The following NECTIN3 variants were observed in gnomAD, a reference collection of about 807,000 sequenced individuals.
NECTIN3 encodes nectin cell adhesion molecule 3, also known as nectin-3.
In NECTIN3, 8 loss-of-function variants were observed where a neutral mutation model predicts 49.4. The ratio of observed to expected loss-of-function variants is 0.16; its 90% CI spans 0.10 to 0.29. The LOEUF (loss-of-function observed/expected upper bound fraction) is 0.29. NECTIN3 is among the 10% of genes least tolerant of loss of function. The pLI, the probability that NECTIN3 is intolerant of heterozygous loss-of-function variation, is 1.00. For synonymous variants in NECTIN3, 277 were observed against 241.1 expected (o/e 1.15, Z -1.38); for missense variants, 581 against 654.6 (o/e 0.89, Z 1.23).
At chr3:111,189,993 C>T (rs2035786065), upstream of NECTIN3, among the ~76,000 whole-genome samples, 1 of 152,156 alleles carries the variant, frequency 6.6e-6, no homozygotes, top group African/African-American at 2.4e-5. Flanking sequence ...GTAGCAGTGG[C>T]CAAAAACCAC....
chr3:111,118,259 T>TATATATATA (rs1559789277), intron 2 of NECTIN3, among the ~76,000 whole-genome samples: 2 of 120,404 alleles, frequency 1.7e-5, no homozygotes, highest in Non-Finnish European at 3.6e-5. Context: ...TATATATATA[T>TATATATATA]ATATATATAT....
Position 111,112,263 on chromosome 3 carries a change from A to G in NECTIN3, c.394A>G (p.Thr132Ala). The change falls in exon 2 of 6, where the codon ACA becomes GCA. Residue 132 changes from threonine to alanine, a missense_variant. By Grantham distance (58) the Thr-to-Ala change is moderately conservative (BLOSUM62 0). This residue lies in a region of NECTIN3 where 234 missense variants were observed against 340.6 expected (regional missense o/e 0.69). Coordinates refer to ENST00000485303, the MANE Select transcript of NECTIN3 (RefSeq NM_015480.3). The stretch of plus-strand genomic sequence containing the variant: ...TAAAAATTACTCACTTAATGATGCA[A>G]CAATTACTCTGCATAACATAGGATT... ...LFKNYSLNDA[T>A]ITLHNIGFSD... is the part of the protein sequence containing the mutation. 1 of 1,613,614 alleles carries G rather than the reference A, an allele frequency of 6.2e-7. No individual in the cohort carries two copies. The highest frequency in any genetic ancestry group is 8.5e-7 in the Non-Finnish European group (1 of 1,179,644).
chr3:111,108,114 C>T (rs2033265593), intron 1 of NECTIN3, among the ~76,000 whole-genome samples: 2 of 151,856 alleles, frequency 1.3e-5, no homozygotes, highest in South Asian at 4.2e-4. Context: ...GTAAAAATCA[C>T]TTATTAGTTC....
downstream of NECTIN3, among the ~76,000 whole-genome samples, chr3:111,142,013 C>A (rs1357172857): frequency 6.6e-6 from 1 of 151,668 alleles, no homozygotes; most frequent in African/African-American, 2.4e-5. Context: ...AGGCTAAATT[C>A]TCAATTTTCA....
chr3:111,081,835 G>A (rs2031626541), intron 1 of NECTIN3, among the ~76,000 whole-genome samples: 1 of 152,194 alleles, frequency 6.6e-6, no homozygotes, highest in Non-Finnish European at 1.5e-5. Context: ...TGAACTTTAT[G>A]GAGGGAAGTC....
intron 7 of NECTIN3, among the ~76,000 whole-genome samples, chr3:111,179,557 A>C (rs2035590060): frequency 6.6e-6 from 1 of 152,172 alleles, no homozygotes; most frequent in Non-Finnish European, 1.5e-5. Context: ...ACATTGGGAC[A>C]GAGGAACTAT....
chr3:111,072,037 C>G lies in NECTIN3; in HGVS notation c.20C>G (p.Pro7Arg), dbSNP rs1235532043. The change falls in exon 1 of 6, where the codon CCG (proline) becomes CGG (arginine). Residue 7 changes from proline (P) to arginine (R), a missense_variant. Transcript: ENST00000485303. The stretch of plus-strand genomic sequence containing the variant: ...TGGGGGATGGCGCGGACCCTGCGGC[C>G]GTCCCCGCTGTGTCCTGGAGGCGGC... MARTLR[P>R]SPLCPGGGKA... The G allele has an allele frequency of 1.3e-6, 2 of 1,535,526 alleles. No homozygotes were observed. The highest frequency in any genetic ancestry group is 2.0e-5 in the Admixed American group (1 of 49,888).
rs776644855 is a variant in NECTIN3, at chr3:111,134,240, T to G, written c.*25T>G. ...GCAACCACTGAATGTGACTTAACTA[T>G]GTACAATGTTCATTCACACTAGTTG... On this transcript the variant is annotated 3_prime_UTR_variant, in exon 6 of 6. Transcript: ENST00000485303. The G allele has an allele frequency of 6.5e-7, 1 of 1,545,322 alleles. No individual in the cohort carries two copies. The highest frequency in any genetic ancestry group is 1.4e-5 in the African/African-American group (1 of 72,568).
chr3:111,147,584 C>A, intron 7 of NECTIN3: 1 of 1,021,916 alleles, frequency 9.8e-7, no homozygotes, highest in Non-Finnish European at 1.4e-6. Flanking sequence ...AGTCATTATG[C>A]ATTAAGTGTT....
At chr3:111,101,232 G>C (rs933399019) in intron 1 of NECTIN3, among the ~76,000 whole-genome samples, 10 of 152,044 alleles carry the variant, frequency 6.6e-5, no homozygotes, top group Non-Finnish European at 1.0e-4. Context: ...CTTAATATTG[G>C]TTGGTTAAAT....
intron 7 of NECTIN3, among the ~76,000 whole-genome samples, chr3:111,163,228 C>T (rs1210248864): frequency 6.6e-6 from 1 of 152,196 alleles, no homozygotes; most frequent in Non-Finnish European, 1.5e-5. Flanking sequence ...AGCATGGTAG[C>T]TTCCTACTAG....
At chr3:111,142,747 CTTAAT>C (rs3082110) in intron 5 of NECTIN3, among the ~76,000 whole-genome samples, 7,967 of 151,614 alleles carry the variant, frequency 0.053, 672 homozygotes, top group African/African-American at 0.18. Context: ...GATTGAGAAT[CTTAAT>C]TTAGCCCCAC....
intron 7 of NECTIN3, among the ~76,000 whole-genome samples, chr3:111,180,460 T>G (rs1336236446): frequency 6.6e-6 from 1 of 152,230 alleles, no homozygotes; most frequent in Non-Finnish European, 1.5e-5. Context: ...TGTTGTAAAT[T>G]TTGCCTGATT....
At chr3:111,078,561 A>G (rs373632370) in intron 1 of NECTIN3, among the ~76,000 whole-genome samples, 1 of 152,150 alleles carries the variant, frequency 6.6e-6, no homozygotes, top group Non-Finnish European at 1.5e-5. Context: ...AAAATATCCC[A>G]TTTAACAAAC....
intron 5 of NECTIN3, among the ~76,000 whole-genome samples, chr3:111,130,898 T>C (rs2034363185): frequency 6.6e-6 from 1 of 152,134 alleles, no homozygotes; most frequent in South Asian, 2.1e-4. Flanking sequence ...TTTCTTATCT[T>C]TAAATTTAGA....
intron 4 of NECTIN3, among the ~76,000 whole-genome samples, chr3:111,123,476 G>T (rs2034036449): frequency 6.6e-6 from 1 of 152,112 alleles, no homozygotes; most frequent in Non-Finnish European, 1.5e-5. Context: ...GAGTAATCAG[G>T]TAGAGATGTG....
chr3:111,169,125 T>C (rs2035383587), intron 7 of NECTIN3, among the ~76,000 whole-genome samples: 1 of 140,826 alleles, frequency 7.1e-6, no homozygotes, highest in African/African-American at 2.7e-5. Context: ...AGTCTCGCTC[T>C]GTCGCCCAGG....
chr3:111,173,864 G>T (rs2035477470), intron 7 of NECTIN3, among the ~76,000 whole-genome samples: 1 of 150,642 alleles, frequency 6.6e-6, no homozygotes, highest in South Asian at 2.1e-4. Flanking sequence ...GGTGTTTTTT[G>T]CATGGTTTTG....
Position 111,135,053 on chromosome 3 carries a change from T to C in NECTIN3, c.*838T>C. The stretch of plus-strand genomic sequence containing the variant: ...ATTTTAATGCTTTATGTCCTAAACA[T>C]ACTAATAGAAATGAAAAGACGCAGA... On this transcript the variant is annotated 3_prime_UTR_variant, in exon 6 of 6. Transcript: ENST00000485303. 2.0e-6 allele frequency: 2 copies of C among 981,954 alleles called. No homozygotes were observed. The highest frequency in any genetic ancestry group is 2.4e-6 in the Non-Finnish European group (2 of 827,014). The allele number at this position is 981,954 out of a possible 1,614,324, so 60.8% of individuals were successfully genotyped here.
Sources: gnomAD v4.1 joint callset for allele counts (sites outside exome capture counted in the v4.1 genomes callset) on GRCh38, gnomAD v4.1.1 for gene constraint, gnomAD v4.1.1 regional missense constraint, MANE v1.5 for transcripts, NCBI Gene and HGNC (gene_info 2026-07-23, HGNC 2026-07-21) for gene names.